KCNN2: variants seen among roughly 807,000 people sequenced by gnomAD.
KCNN2 encodes potassium calcium-activated channel subfamily N member 2, also known as small conductance calcium-activated potassium channel protein 2.
In KCNN2, 24 loss-of-function variants were observed where a neutral mutation model predicts 55.5. That is an observed-to-expected ratio of 0.43 (90% CI 0.31 to 0.61). The LOEUF is 0.61. KCNN2 is among the 20% of genes least tolerant of loss of function. The probability of loss-of-function intolerance (pLI) is 0.08; values close to 1 mark genes in which losing one functional copy is unlikely to be tolerated. For synonymous variants in KCNN2, 431 were observed against 336.1 expected (o/e 1.28, Z -3.09); for missense variants, 754 against 853.6 (o/e 0.88, Z 1.45).
At chr5:114,335,723 G>A (rs1756910494) in intron 2 of KCNN2, among the ~76,000 whole-genome samples, 1 of 152,124 alleles carries the variant, frequency 6.6e-6, no homozygotes, top group Admixed American at 6.5e-5. Flanking sequence ...AAACAGTAGA[G>A]TCATGAGTGT....
At chr5:114,125,729 T>C (rs1380491535) in intron 1 of KCNN2, among the ~76,000 whole-genome samples, 1 of 152,124 alleles carries the variant, frequency 6.6e-6, no homozygotes, top group Non-Finnish European at 1.5e-5. Flanking sequence ...CAATGATTGG[T>C]TTATTCTGAG....
At chr5:114,418,526 A>T (rs368472167) in intron 3 of KCNN2, among the ~76,000 whole-genome samples, 98 of 152,192 alleles carry the variant, frequency 6.4e-4, no homozygotes, top group Middle Eastern at 3.4e-3. Context: ...GGCTCTCAGC[A>T]ACTGTGCAGC....
At position 114,362,728 on chromosome 5, in the gene KCNN2, C is replaced by A; in HGVS notation, c.589C>A (p.His197Asn). 6.6e-7 allele frequency: 1 copy of A among 1,525,780 alleles called. No homozygotes were observed. The highest frequency in any genetic ancestry group is 1.3e-5 in the South Asian group (1 of 78,166). The allele number at this position is 1,525,780 out of a possible 1,614,324, so 94.5% of individuals were successfully genotyped here. ...CCCGCACCCGGCGCACCACCAGCAC[C>A]ACCAGCCCCAGGCGCGCCGCGAGAG... is the stretch of plus-strand genomic sequence containing the variant. ...HHPHPAHHQHHQPQARRESNP... is the reference protein window; with the variant it reads ...HHPHPAHHQHNQPQARRESNP... Residue 197 changes from histidine (H) to asparagine (N), a missense_variant, in exon 1 of 8, where the codon CAC becomes AAC. Around this residue, in one of 4 missense-constraint regions of KCNN2, gnomAD observed 381 missense variants for 259.1 expected, o/e 1.47. Coordinates refer to ENST00000673685, the MANE Select transcript of KCNN2 (RefSeq NM_021614.4).
At chr5:114,426,949 C>T (rs1295416397) in intron 3 of KCNN2, among the ~76,000 whole-genome samples, 1 of 152,172 alleles carries the variant, frequency 6.6e-6, no homozygotes, top group Non-Finnish European at 1.5e-5. Flanking sequence ...TACACACTCA[C>T]AGCGGAAAGG....
At chr5:114,329,172 C>T (rs929743006) in intron 2 of KCNN2, among the ~76,000 whole-genome samples, 4 of 152,306 alleles carry the variant, frequency 2.6e-5, no homozygotes, top group African/African-American at 7.2e-5. Flanking sequence ...TGGTACATTA[C>T]ACTCATCAGC....
chr5:114,363,381 G>A, intron 1 of KCNN2, 120 bp downstream of exon 1: 1 of 1,259,976 alleles, frequency 7.9e-7, no homozygotes, highest in South Asian at 1.6e-5. Flanking sequence ...AAGGGAGCCC[G>A]CCAGGACAGC....
chr5:114,109,870 G>A (rs1281126654), intron 1 of KCNN2, among the ~76,000 whole-genome samples: 1 of 152,084 alleles, frequency 6.6e-6, no homozygotes, highest in African/African-American at 2.4e-5. Flanking sequence ...ACTTGCAAGA[G>A]CATGGGTAGT....
At chr5:114,298,933 T>C (rs1257894025) in intron 2 of KCNN2, among the ~76,000 whole-genome samples, 3 of 152,142 alleles carry the variant, frequency 2.0e-5, no homozygotes, top group Non-Finnish European at 4.4e-5. Flanking sequence ...ACTATCAGTA[T>C]AAATTAGGAA....
At chr5:114,271,642 CT>C (rs559538186) in intron 2 of KCNN2, among the ~76,000 whole-genome samples, 154 of 152,270 alleles carry the variant, frequency 1.0e-3, no homozygotes, top group African/African-American at 3.7e-3. Flanking sequence ...ATGCTTTCTT[CT>C]TTTCATTTCA....
At chr5:114,477,033 A>ATT (rs1762000122) in intron 5 of KCNN2, among the ~76,000 whole-genome samples, 3 of 152,232 alleles carry the variant, frequency 2.0e-5, no homozygotes, top group Admixed American at 2.0e-4. Context: ...TTTGTGAATA[A>ATT]TTAAAAGTAA....
At chr5:114,261,653 T>A (rs1010140974) in intron 2 of KCNN2, among the ~76,000 whole-genome samples, 2 of 152,186 alleles carry the variant, frequency 1.3e-5, no homozygotes, top group East Asian at 3.8e-4. Flanking sequence ...ATACTATTAA[T>A]CATGAGGTTG....
At chr5:114,387,880 A>G (rs1172544897) in intron 2 of KCNN2, among the ~76,000 whole-genome samples, 1 of 152,104 alleles carries the variant, frequency 6.6e-6, no homozygotes, top group Non-Finnish European at 1.5e-5. Flanking sequence ...CCACTCAGAT[A>G]TTATTTATCA....
rs139153247 is a variant in KCNN2 at position 114,363,214 on chromosome 5, G to A, written c.1075G>A (p.Val359Met). The A allele has an allele frequency of 6.2e-7, 1 of 1,613,176 alleles. No homozygotes were observed. The highest frequency in any genetic ancestry group is 1.3e-5 in the African/African-American group (1 of 74,940). The change falls in exon 1 of 8, where the codon GTG becomes ATG. Residue 359 changes from valine (V) to methionine (M), a missense_variant. By Grantham distance (21) the Val-to-Met change is conservative. Transcript: ENST00000673685. Reference sequence around the variant, plus strand: ...GCTCATCTTCGGCATGTTCGGCATCGTGGTCATGGTCATCGAGACCGAGCT... The same window carrying A: ...GCTCATCTTCGGCATGTTCGGCATCATGGTCATGGTCATCGAGACCGAGCT... ...YALIFGMFGI[V>M]VMVIETELSW...
intron 2 of KCNN2, among the ~76,000 whole-genome samples, chr5:114,391,908 G>A (rs1186582487): frequency 7.2e-5 from 11 of 152,058 alleles, no homozygotes; most frequent in Admixed American, 7.2e-4. Flanking sequence ...TCAGAGGGTG[G>A]TTGCTGCAGA....
chr5:114,419,725 T>C (rs1022915695), intron 3 of KCNN2, among the ~76,000 whole-genome samples: 11 of 152,236 alleles, frequency 7.2e-5, no homozygotes, highest in African/African-American at 2.4e-4. Context: ...GTGCAGTGGC[T>C]CATGCCTGTT....
chr5:114,422,399 A>G (rs1002182508), intron 3 of KCNN2, among the ~76,000 whole-genome samples: 1 of 152,080 alleles, frequency 6.6e-6, no homozygotes, highest in Admixed American at 6.6e-5. Flanking sequence ...AGAGAAGGTG[A>G]TTGTCTGTGA....
chr5:114,190,685 T>G (rs1195924881), intron 1 of KCNN2, among the ~76,000 whole-genome samples: 1 of 152,172 alleles, frequency 6.6e-6, no homozygotes, highest in Non-Finnish European at 1.5e-5. Flanking sequence ...ACATTAAATT[T>G]TAATGTTTGT....
chr5:114,371,836 G>A lies in KCNN2; in HGVS notation c.1218+7835G>A, dbSNP rs1162249931. ...AATGAGAAAGTCAGAAACATACCCA[G>A]CACTTTCAGATAGGATCTTCCAGTG... is the stretch of plus-strand genomic sequence containing the variant. On this transcript the variant is annotated intron_variant, in intron 2 of 7. Transcript: ENST00000673685. Among the ~76,000 whole-genome samples the A allele has an allele frequency of 2.6e-5, 4 of 152,198 alleles. No individual in the cohort carries two copies. In the East Asian group the frequency reaches 7.7e-4, roughly 29 times the overall value.
intron 1 of KCNN2, among the ~76,000 whole-genome samples, chr5:114,120,143 A>T (rs1010330664): frequency 6.6e-6 from 1 of 152,176 alleles, no homozygotes; most frequent in South Asian, 2.1e-4. Context: ...TTATGGAAAT[A>T]TACCTGTTTT....
Sources: allele counts gnomAD v4.1 joint callset (sites outside exome capture counted in the v4.1 genomes callset), GRCh38; gene constraint gnomAD v4.1.1; regional missense constraint gnomAD v4.1.1; transcripts MANE v1.5; gene names NCBI Gene and HGNC (gene_info 2026-07-23, HGNC 2026-07-21).